Variants in ANO7 observed in about 807,000 individuals in gnomAD.
ANO7 encodes anoctamin 7.
Under a neutral mutation model 115.8 loss-of-function variants are expected in ANO7, and 114 were observed. The ratio of observed to expected loss-of-function variants is 0.98; its 90% confidence interval spans 0.85 to 1.15. ANO7 has a LOEUF of 1.15. Ranked by LOEUF, ANO7 falls within the 50% of genes most tolerant of loss-of-function variation. The probability of loss-of-function intolerance (pLI) is 0.00; values close to 1 mark genes in which losing one functional copy is unlikely to be tolerated. For synonymous variants in ANO7, 550 were observed against 498.2 expected (o/e 1.10, Z -1.38); for missense variants, 1,302 against 1,201.2 (o/e 1.08, Z -1.24).
chr2:241,188,682 G>A lies in ANO7; in HGVS notation c.-92G>A. 6.2e-7 allele frequency: 1 copy of A among 1,613,494 alleles called. No individual in the cohort carries two copies. Among genetic ancestry groups the A allele is most frequent in the Non-Finnish European group, 8.5e-7 (1 of 1,179,946 alleles). ...CTCCCCACCCTCTGTCCCGCAGTGA[G>A]GACGGGACTCTACTGCCGAGACCAG... On this transcript the variant is annotated 5_prime_UTR_variant, in exon 1 of 25. Transcript: ENST00000674324. The surrounding 1 kb of genome is among the most constrained non-coding windows in gnomAD (Gnocchi z 4.3).
At chr2:241,192,127 G>C (rs558492188) in intron 3 of ANO7, among the ~76,000 whole-genome samples, 2 of 152,182 alleles carry the variant, frequency 1.3e-5, no homozygotes, top group African/African-American at 4.8e-5. Flanking sequence ...ACCTGAGGTC[G>C]GGAGTTCGAG....
intron 8 of ANO7, 36 bp downstream of exon 8, chr2:241,202,340 G>A (rs1266042192): frequency 4.4e-6 from 7 of 1,590,332 alleles, no homozygotes; most frequent in African/African-American, 1.3e-5. Flanking sequence ...GCCTGGGTAT[G>A]GGAGATGAGT....
At chr2:241,237,228 G>T in the ANO7 span, among the ~76,000 whole-genome samples, 1 of 152,152 alleles carries the variant, frequency 6.6e-6, no homozygotes, top group African/African-American at 2.4e-5. Context: ...TGGGAAGGGG[G>T]GTGAGAGGTC....
In ANO7 at chr2:241,196,838, CGTGTGTGTGTGTGTGTGT is replaced by C. The variant is rs60120827; in HGVS notation, c.309+1022_309+1039del. ...GAAAATCAGCTACTGTCAATTCATT[CGTGTGTGTGTGTGTGTGT>C]GTGTGTGTGTGTGTGTGTGTGTGTG... is the stretch of plus-strand genomic sequence containing the variant. On this transcript the variant is annotated intron_variant, in intron 4 of 24. Coordinates refer to ENST00000674324, the MANE Select transcript of ANO7 (RefSeq NM_001370694.2). Among the ~76,000 whole-genome samples the C allele has an allele frequency of 3.1e-4, 45 of 147,018 alleles. 2 individuals are homozygous for C. The highest frequency in any genetic ancestry group is 3.5e-3 in the Middle Eastern group (1 of 288).
chr2:241,240,029 C>T, the ANO7 span: 10 of 1,614,186 alleles, frequency 6.2e-6, no homozygotes, highest in Non-Finnish European at 8.5e-6. This position sits in a 1 kb window ranked among gnomAD's most constrained non-coding sequence, Gnocchi z 5.5. Context: ...CCAGTGCTGT[C>T]GCGCACCTTG....
At position 241,188,960 on chromosome 2, in the gene ANO7, G is replaced by T. The variant is rs1051895491; in HGVS notation, c.-8+194G>T. Among the ~76,000 whole-genome samples, 1 of 152,202 alleles carries T rather than the reference G, an allele frequency of 6.6e-6. No homozygotes were observed. The highest frequency in any genetic ancestry group is 1.5e-5 in the Non-Finnish European group (1 of 68,020). On this transcript the variant is annotated intron_variant, in intron 1 of 24. Coordinates refer to ENST00000674324, the MANE Select transcript of ANO7 (RefSeq NM_001370694.2). The surrounding 1 kb of genome is among the most constrained non-coding windows in gnomAD (Gnocchi z 4.3). ...ACACACACTCAGTGCGGCTCTGGACGGGGTACACCCAGCTGGGGTTGGCTT... is the reference window on the plus strand; with the variant it reads ...ACACACACTCAGTGCGGCTCTGGACTGGGTACACCCAGCTGGGGTTGGCTT...
intron 4 of ANO7, chr2:241,199,040 T>G: frequency 9.2e-6 from 4 of 436,608 alleles, no homozygotes; most frequent in Non-Finnish European, 1.7e-5. Context: ...TCCCTAGCCT[T>G]AGGGGAGGCT....
intron 4 of ANO7, among the ~76,000 whole-genome samples, chr2:241,196,838 C>CGTGTGT (rs60120827): frequency 2.4e-4 from 35 of 147,024 alleles, no homozygotes; most frequent in South Asian, 8.8e-4. Flanking sequence ...TCAATTCATT[C>CGTGTGT]GTGTGTGTGT....
intron 17 of ANO7, among the ~76,000 whole-genome samples, chr2:241,214,476 C>A (rs543558455): frequency 1.1e-4 from 16 of 152,316 alleles, no homozygotes; most frequent in African/African-American, 3.4e-4. Context: ...ATTGGTGGGG[C>A]CTGCCTCGTG....
chr2:241,208,221 C>A (rs2068634781), intron 11 of ANO7, among the ~76,000 whole-genome samples: 2 of 152,220 alleles, frequency 1.3e-5, no homozygotes, highest in African/African-American at 4.8e-5. Context: ...TTCTGGGAAT[C>A]CACTTGGATG....
chr2:241,235,047 T>C, the ANO7 span: 62 of 1,557,282 alleles, frequency 4.0e-5, no homozygotes, highest in Admixed American at 6.9e-5. Context: ...CCTGAAGAAC[T>C]TCCCTAGATT....
the ANO7 span, among the ~76,000 whole-genome samples, chr2:241,232,958 A>G: frequency 6.6e-6 from 1 of 151,864 alleles, no homozygotes; most frequent in African/African-American, 2.4e-5. Context: ...TCAAAGATCC[A>G]AAAGGGAACA....
chr2:241,235,078 A>C, the ANO7 span: 1 of 1,601,890 alleles, frequency 6.2e-7, no homozygotes, highest in Non-Finnish European at 8.5e-7. Flanking sequence ...CCCAAAGCTG[A>C]GCACCATGGC....
intron 4 of ANO7, among the ~76,000 whole-genome samples, chr2:241,197,097 CTTGT>C (rs748209672): frequency 7.2e-4 from 109 of 152,180 alleles, no homozygotes; most frequent in Middle Eastern, 3.4e-3. Context: ...GGTTTGTGTG[CTTGT>C]TTGTTTGTTT....
chr2:241,207,423 A>C, intron 10 of ANO7, 151 bp from the exon 11 acceptor site: 1 of 613,992 alleles, frequency 1.6e-6, no homozygotes. Context: ...ATTTTAAAAC[A>C]ACTATTTTTT....
intron 10 of ANO7, 36 bp from the exon 11 acceptor site, chr2:241,207,538 C>A: frequency 6.3e-7 from 1 of 1,590,080 alleles, no homozygotes; most frequent in Non-Finnish European, 8.6e-7. Flanking sequence ...CCCCCCTCCC[C>A]CATTAGCTCC....
chr2:241,191,592 C>T (rs1263867350), intron 3 of ANO7, among the ~76,000 whole-genome samples: 1 of 152,194 alleles, frequency 6.6e-6, no homozygotes, highest in East Asian at 1.9e-4. Context: ...CACTCCACCC[C>T]TTTTGTACCT....
chr2:241,223,978 C>A (rs770101461), intron 24 of ANO7, 23 bp downstream of exon 24: 1 of 1,613,852 alleles, frequency 6.2e-7, no homozygotes, highest in Non-Finnish European at 8.5e-7. Flanking sequence ...GCAGCCAGGC[C>A]CCTGCCCCGT....
chr2:241,230,964 T>C, downstream of ANO7: 2 of 1,606,526 alleles, frequency 1.2e-6, no homozygotes, highest in Non-Finnish European at 1.7e-6. This position sits in a 1 kb window ranked among gnomAD's most constrained non-coding sequence, Gnocchi z 5.0. Context: ...GAGAATGTAG[T>C]CAGAAAAGGG....
Sources: allele counts gnomAD v4.1 joint callset (sites outside exome capture counted in the v4.1 genomes callset), GRCh38; gene constraint gnomAD v4.1.1; non-coding constraint Gnocchi (gnomAD v3.1); transcripts MANE v1.5; gene names NCBI Gene and HGNC (gene_info 2026-07-23, HGNC 2026-07-21).